The following SLC39A9 variants were observed in gnomAD, a reference collection of about 807,000 sequenced individuals.
The protein encoded by SLC39A9 is solute carrier family 39 member 9.
SLC39A9 carries 14 observed loss-of-function variants against 28.4 expected under a neutral mutation model. That is an observed-to-expected ratio of 0.49 (90% CI 0.33 to 0.77). SLC39A9 has a LOEUF of 0.77. SLC39A9 is among the 30% of genes least tolerant of loss of function. The probability of loss-of-function intolerance (pLI) is 0.02; values close to 1 mark genes in which losing one functional copy is unlikely to be tolerated. For synonymous variants in SLC39A9, 119 were observed against 149.6 expected (o/e 0.80, Z 1.49); for missense variants, 283 against 381.1 (o/e 0.74, Z 2.14).
intron 2 of SLC39A9, among the ~76,000 whole-genome samples, chr14:69,438,338 T>C (rs1884882048): frequency 6.6e-6 from 1 of 152,142 alleles, no homozygotes; most frequent in Non-Finnish European, 1.5e-5. Context: ...TTCTTTATTG[T>C]AGACCAAAAC....
intron 2 of SLC39A9, among the ~76,000 whole-genome samples, chr14:69,431,085 T>C (rs1884465003): frequency 6.6e-6 from 1 of 152,208 alleles, no homozygotes; most frequent in African/African-American, 2.4e-5. Flanking sequence ...CTTAAGAATA[T>C]TGTATTTTCC....
Position 69,399,430 on chromosome 14 carries a change from G to C in SLC39A9, c.61G>C (p.Ala21Pro), listed in dbSNP as rs781286437. The change falls in exon 1 of 7, where the codon GCC (alanine) becomes CCC (proline). Residue 21 changes from alanine (A) to proline (P), a missense_variant. Physicochemically the swap from Ala to Pro is conservative, Grantham distance 27. Coordinates refer to ENST00000336643, the MANE Select transcript of SLC39A9 (RefSeq NM_018375.5). ...GGCTATGTTGGTGGGATGTTACGTGGCCGGAATCATTCCCTTGGCTGTTAA... is the reference window on the plus strand; with the variant it reads ...GGCTATGTTGGTGGGATGTTACGTGCCCGGAATCATTCCCTTGGCTGTTAA... ...SLAMLVGCYV[A>P]GIIPLAVNFS... 1.5e-5 allele frequency: 25 copies of C among 1,613,968 alleles called. No homozygotes were observed. The highest frequency in any genetic ancestry group is 2.7e-5 in the African/African-American group (2 of 74,908).
Position 69,448,423 on chromosome 14 carries a change from A to C in SLC39A9, c.404-4818A>C, listed in dbSNP as rs147800401. Among the ~76,000 whole-genome samples the C allele has an allele frequency of 6.9e-3, 1,048 of 152,302 alleles. 5 individuals are homozygous for C. Among genetic ancestry groups the C allele is most frequent in the Non-Finnish European group, 0.012 (839 of 68,026 alleles). On this transcript the variant is annotated intron_variant, in intron 3 of 6. Coordinates refer to ENST00000336643, the MANE Select transcript of SLC39A9 (RefSeq NM_018375.5). ...TAATTCAGAATTAACACCACCAGTGAGCAGCAGATGTACATCCTGCACCTC... is the reference window on the plus strand; with the variant it reads ...TAATTCAGAATTAACACCACCAGTGCGCAGCAGATGTACATCCTGCACCTC...
intron 1 of SLC39A9, among the ~76,000 whole-genome samples, chr14:69,409,427 A>G (rs1329359428): frequency 6.6e-6 from 1 of 152,048 alleles, no homozygotes; most frequent in Non-Finnish European, 1.5e-5. Context: ...TAGCCTCCGC[A>G]CCCTGGGCCC....
chr14:69,444,686 T>C (rs983708775), intron 3 of SLC39A9, among the ~76,000 whole-genome samples: 10 of 152,356 alleles, frequency 6.6e-5, no homozygotes, highest in African/African-American at 2.4e-4. Flanking sequence ...AAAATACATA[T>C]GCACAAGATT....
intron 1 of SLC39A9, among the ~76,000 whole-genome samples, chr14:69,404,860 A>G (rs552394008): frequency 2.5e-4 from 38 of 152,288 alleles, no homozygotes; most frequent in African/African-American, 8.7e-4. Context: ...TGTCTGTATT[A>G]GTCCATTCTT....
chr14:69,409,336 T>TTTG (rs529090212), intron 1 of SLC39A9, among the ~76,000 whole-genome samples: 1 of 152,104 alleles, frequency 6.6e-6, no homozygotes, highest in Non-Finnish European at 1.5e-5. Flanking sequence ...GTTCTAGTCA[T>TTTG]TTGTTGTTGT....
At chr14:69,441,686 C>G (rs1885056120) in intron 2 of SLC39A9, 1 of 467,096 alleles carries the variant, frequency 2.1e-6, no homozygotes, top group Non-Finnish European at 2.8e-6. Context: ...TGTTACTGCT[C>G]TTCATTTGCC....
At chr14:69,437,635 G>C (rs1884837529) in intron 2 of SLC39A9, among the ~76,000 whole-genome samples, 1 of 151,578 alleles carries the variant, frequency 6.6e-6, no homozygotes, top group African/African-American at 2.4e-5. Flanking sequence ...TGTCGCCCAG[G>C]CTGGAGTGCA....
intron 2 of SLC39A9, among the ~76,000 whole-genome samples, chr14:69,436,053 G>A (rs942737067): frequency 6.6e-5 from 10 of 151,900 alleles, no homozygotes; most frequent in African/African-American, 2.2e-4. Flanking sequence ...TTTCCAGTTC[G>A]TTTCTTTTTA....
chr14:69,459,357 T>C lies in SLC39A9; in HGVS notation c.*764T>C. The C allele has an allele frequency of 1.5e-5, 15 of 985,446 alleles. No homozygotes were observed. The highest frequency in any genetic ancestry group is 1.8e-5 in the Non-Finnish European group (15 of 829,930). 61.0% of individuals were successfully genotyped at this position (985,446 alleles called of 1,614,324 possible). On this transcript the variant is annotated 3_prime_UTR_variant, in exon 7 of 7. Coordinates refer to ENST00000336643, the MANE Select transcript of SLC39A9 (RefSeq NM_018375.5). ...CCTTGTCAAGTTCTCCTTTGCAGAA[T>C]ACCTGTCTCCACATTCCTAGAGAGG...
chr14:69,409,784 TA>T (rs1348860325), intron 1 of SLC39A9, among the ~76,000 whole-genome samples: 4 of 152,256 alleles, frequency 2.6e-5, no homozygotes, highest in Admixed American at 2.0e-4. Flanking sequence ...TATTTCAGAT[TA>T]TTTTTTTCAG....
In SLC39A9 at chr14:69,454,829, G is replaced by A; in HGVS notation, c.490G>A (p.Gly164Arg). Residue 164 changes from glycine to arginine, a missense_variant, in exon 5 of 7, where the codon GGA (glycine) becomes AGA (arginine). Transcript: ENST00000336643. ...AAATATAGCTGATGGTGTTGCTTTG[G>A]GAGCAGCAGCATCTACTTCACAGAC... The part of the protein sequence containing the change: ...VHAAADGVAL[G>R]AAASTSQTSV... 6.2e-7 allele frequency: 1 copy of A among 1,613,808 alleles called. No homozygotes were observed. The highest frequency in any genetic ancestry group is 8.5e-7 in the Non-Finnish European group (1 of 1,179,818).
At chr14:69,446,723 A>C (rs1292901532) in intron 3 of SLC39A9, among the ~76,000 whole-genome samples, 1 of 151,868 alleles carries the variant, frequency 6.6e-6, no homozygotes, top group Non-Finnish European at 1.5e-5. Flanking sequence ...AAATACAAAA[A>C]TTAGCCAGGT....
chr14:69,454,302 ACT>A (rs1232552403), intron 4 of SLC39A9, among the ~76,000 whole-genome samples: 1 of 152,034 alleles, frequency 6.6e-6, no homozygotes, highest in Non-Finnish European at 1.5e-5. Context: ...ACGGAGTCTC[ACT>A]CTGTTGCCGA....
At position 69,461,196 on chromosome 14, in the gene SLC39A9, A is replaced by G. The variant is rs1033788869; in HGVS notation, c.*2603A>G. ...TGAGAAGCATGATTCTTGCTTCCAT[A>G]TAACCAAAGTTAATCTTAATTGCAA... is the stretch of plus-strand genomic sequence containing the variant. On this transcript the variant is annotated 3_prime_UTR_variant, in exon 7 of 7. Transcript: ENST00000336643. 2.9e-5 allele frequency: 29 copies of G among 987,760 alleles called. No homozygotes were observed. The highest frequency in any genetic ancestry group is 3.1e-5 in the Non-Finnish European group (26 of 831,448). 61.2% of individuals were successfully genotyped at this position (987,760 alleles called of 1,614,324 possible).
chr14:69,444,247 G>A (rs560881157), intron 3 of SLC39A9, among the ~76,000 whole-genome samples: 24 of 152,096 alleles, frequency 1.6e-4, no homozygotes, highest in African/African-American at 3.9e-4. Flanking sequence ...AAATAAAAAC[G>A]CATTTTTTTC....
At chr14:69,407,932 G>T (rs1215481193) in intron 1 of SLC39A9, among the ~76,000 whole-genome samples, 3 of 151,720 alleles carry the variant, frequency 2.0e-5, no homozygotes, top group African/African-American at 7.3e-5. Context: ...ACCCGGCCCT[G>T]CTATTATATT....
rs560211589 is a variant in SLC39A9 at position 69,415,308 on chromosome 14, A to G, written c.97-8786A>G. 4.3e-4 allele frequency among the ~76,000 whole-genome samples: 65 copies of G among 152,192 alleles called. No homozygotes were observed. The South Asian group carries it at 0.013, about 31-fold the overall frequency. On this transcript the variant is annotated intron_variant, in intron 1 of 6. Coordinates refer to ENST00000336643, the MANE Select transcript of SLC39A9 (RefSeq NM_018375.5). ...TTATTTAAAGTTGTCAGTCTTTTCA[A>G]TTTTGGCCATTTTAATGGGTATGAA...
Sources: allele counts gnomAD v4.1 joint callset (sites outside exome capture counted in the v4.1 genomes callset), GRCh38; gene constraint gnomAD v4.1.1; transcripts MANE v1.5; gene names NCBI Gene and HGNC (gene_info 2026-07-23, HGNC 2026-07-21).